The following PPP1R16B variants were observed in gnomAD, a reference collection of about 807,000 sequenced individuals.
PPP1R16B encodes protein phosphatase 1 regulatory inhibitor subunit 16B.
Under a neutral mutation model 61.7 loss-of-function variants are expected in PPP1R16B, and 14 were observed. The observed-to-expected ratio is 0.23, with a 90% CI of 0.15 to 0.35. The LOEUF is 0.35. Among genes scored for constraint, PPP1R16B ranks in the 10% least tolerant of loss-of-function variants. The pLI, the probability that PPP1R16B is intolerant of heterozygous loss-of-function variation, is 1.00. For missense variants in PPP1R16B, 547 were observed against 752.5 expected (o/e 0.73, Z 3.19); for synonymous variants, 266 against 305.3 (o/e 0.87, Z 1.34).
At chr20:38,862,105 T>C (rs1177557755) in intron 2 of PPP1R16B, among the ~76,000 whole-genome samples, 14 of 152,194 alleles carry the variant, frequency 9.2e-5, no homozygotes, top group Admixed American at 9.2e-4. Context: ...CCCAGCCTTG[T>C]TGCCTCCCAT....
chr20:38,875,271 G>T (rs1010632120), intron 2 of PPP1R16B, among the ~76,000 whole-genome samples: 1 of 152,220 alleles, frequency 6.6e-6, no homozygotes, highest in Non-Finnish European at 1.5e-5. Flanking sequence ...CTTGCAGCTT[G>T]CTCCCCTCCG....
chr20:38,876,775 T>TA (rs1182603442), intron 2 of PPP1R16B, among the ~76,000 whole-genome samples: 1 of 152,238 alleles, frequency 6.6e-6, no homozygotes, highest in East Asian at 1.9e-4. Context: ...ATAGAGTTCT[T>TA]ACCACTTGGC....
At chr20:38,906,283 GTTTT>G (rs907617949) in intron 7 of PPP1R16B, among the ~76,000 whole-genome samples, 189 bp downstream of exon 7, 17 of 101,246 alleles carry the variant, frequency 1.7e-4, no homozygotes, top group African/African-American at 5.3e-4. Flanking sequence ...AGCAAGTTGT[GTTTT>G]TTTTTTTTTT....
intron 2 of PPP1R16B, among the ~76,000 whole-genome samples, chr20:38,863,748 T>C (rs2085071587): frequency 6.6e-6 from 1 of 152,248 alleles, no homozygotes; most frequent in Admixed American, 6.5e-5. Context: ...AGAGGTTAAT[T>C]CCCATCTTTT....
At chr20:38,863,531 G>A (rs983206985) in intron 2 of PPP1R16B, among the ~76,000 whole-genome samples, 1 of 152,236 alleles carries the variant, frequency 6.6e-6, no homozygotes, top group African/African-American at 2.4e-5. Flanking sequence ...ATGATGGGAA[G>A]GACCAGGCCC....
At position 38,912,392 on chromosome 20, in the gene PPP1R16B, C is replaced by T. The variant is rs2085498721; in HGVS notation, c.1194+4199C>T. ...TAGAAATGCAGACTTTGGCTGGGCA[C>T]AGTGGATCACAAATCCTGTAATCCC... On this transcript the variant is annotated intron_variant, in intron 10 of 10. Coordinates refer to ENST00000299824, the MANE Select transcript of PPP1R16B (RefSeq NM_015568.4). Among the ~76,000 whole-genome samples the T allele has an allele frequency of 1.3e-5, 2 of 150,702 alleles. 1 individual carries two copies. The highest frequency in any genetic ancestry group is 1.3e-4 in the Admixed American group (2 of 14,948).
At chr20:38,862,479 A>G (rs547951281) in intron 2 of PPP1R16B, among the ~76,000 whole-genome samples, 23 of 152,144 alleles carry the variant, frequency 1.5e-4, no homozygotes, top group Admixed American at 3.3e-4. Flanking sequence ...CAACCCTACC[A>G]CCTAAAAACT....
chr20:38,844,280 C>T (rs989745684), intron 2 of PPP1R16B, among the ~76,000 whole-genome samples: 9 of 152,144 alleles, frequency 5.9e-5, no homozygotes, highest in Non-Finnish European at 1.2e-4. Flanking sequence ...ACTGTAAGTT[C>T]GTGGTAGCTA....
intron 1 of PPP1R16B, among the ~76,000 whole-genome samples, chr20:38,824,396 A>T (rs546947081): frequency 6.6e-6 from 1 of 151,626 alleles, no homozygotes; most frequent in South Asian, 2.1e-4. Flanking sequence ...AATACTGTGG[A>T]TTTTCTGAAA....
chr20:38,882,609 GC>G (rs747922628), intron 2 of PPP1R16B, among the ~76,000 whole-genome samples: 21 of 152,286 alleles, frequency 1.4e-4, no homozygotes, highest in Non-Finnish European at 2.5e-4. Context: ...CTCCTGTTGT[GC>G]CCCATGTCTG....
At chr20:38,845,639 G>T (rs913980685) in intron 2 of PPP1R16B, among the ~76,000 whole-genome samples, 1 of 152,132 alleles carries the variant, frequency 6.6e-6, no homozygotes, top group African/African-American at 2.4e-5. Context: ...GATGTGTGAT[G>T]GGAACAGGGT....
At chr20:38,836,608 A>C (rs991130692) in intron 2 of PPP1R16B, among the ~76,000 whole-genome samples, 1 of 152,138 alleles carries the variant, frequency 6.6e-6, no homozygotes, top group African/African-American at 2.4e-5. Context: ...TCTGCCCGCC[A>C]TTGGTCTCCC....
chr20:38,821,281 C>G (rs1465325149), intron 1 of PPP1R16B, among the ~76,000 whole-genome samples: 1 of 152,150 alleles, frequency 6.6e-6, no homozygotes, highest in African/African-American at 2.4e-5. Context: ...TGGCTATCAG[C>G]CAGTGGAGGG....
At chr20:38,867,761 C>G (rs1024774494) in intron 2 of PPP1R16B, among the ~76,000 whole-genome samples, 1 of 152,082 alleles carries the variant, frequency 6.6e-6, no homozygotes, top group Non-Finnish European at 1.5e-5. Flanking sequence ...CAACCTCCGC[C>G]TCCTGGGTTC....
intron 2 of PPP1R16B, among the ~76,000 whole-genome samples, chr20:38,850,555 C>A (rs146340907): frequency 9.1e-4 from 139 of 152,276 alleles, no homozygotes; most frequent in African/African-American, 3.2e-3. Flanking sequence ...CTGTCCAATA[C>A]AATAGCTGCT....
At chr20:38,916,295 CAT>C (rs900936911) in intron 10 of PPP1R16B, among the ~76,000 whole-genome samples, 4 of 144,622 alleles carry the variant, frequency 2.8e-5, no homozygotes, top group Admixed American at 7.0e-5. Flanking sequence ...ATATATATAA[CAT>C]ATATATGTTA....
chr20:38,881,270 G>C (rs1236098616), intron 2 of PPP1R16B, among the ~76,000 whole-genome samples: 1 of 152,264 alleles, frequency 6.6e-6, no homozygotes, highest in Non-Finnish European at 1.5e-5. Flanking sequence ...TTCTGCTCCA[G>C]GGAGGAGCAG....
chr20:38,878,241 G>A (rs931622382), intron 2 of PPP1R16B, among the ~76,000 whole-genome samples: 1 of 152,026 alleles, frequency 6.6e-6, no homozygotes, highest in Non-Finnish European at 1.5e-5. Context: ...ATTTCCCCAG[G>A]CAGACACTTG....
chr20:38,850,351 C>T, intron 2 of PPP1R16B, among the ~76,000 whole-genome samples: 1 of 152,166 alleles, frequency 6.6e-6, no homozygotes, highest in South Asian at 2.1e-4. Flanking sequence ...TACCTACCCA[C>T]TCCCCCAAAA....
Sources: allele counts gnomAD v4.1 joint callset (sites outside exome capture counted in the v4.1 genomes callset), GRCh38; gene constraint gnomAD v4.1.1; transcripts MANE v1.5; gene names NCBI Gene and HGNC (gene_info 2026-07-23, HGNC 2026-07-21).